Variants in CARS1 observed in about 807,000 individuals in gnomAD.
CARS1 encodes cysteinyl-tRNA synthetase 1, also known as cysteine--tRNA ligase, cytoplasmic.
In CARS1, 48 loss-of-function variants were observed where a neutral mutation model predicts 106.2. The observed-to-expected ratio is 0.45, with a 90% CI of 0.36 to 0.57. The LOEUF (loss-of-function observed/expected upper bound fraction) is 0.57, where lower values mean the gene tolerates loss of function less well. CARS1 is among the 20% of genes least tolerant of loss of function. CARS1 has a pLI of 0.00. For missense variants in CARS1, 968 were observed against 1,057.2 expected, an observed-to-expected ratio of 0.92 and a Z score of 1.17; for synonymous variants, 409 against 403.4, an observed-to-expected ratio of 1.01 and a Z score of -0.17.
In CARS1 at chr11:3,048,017, G is replaced by T; in HGVS notation, c.26-16C>A. ...TAGTCAGGAGCTGCAAAGACAGAGG[G>T]CACATGGTGTCAGGCAGGCAGGCGG... On this transcript the variant is annotated splice_polypyrimidine_tract_variant and intron_variant, in intron 1 of 22. Transcript: ENST00000380525. This position sits in a 1 kb window ranked among gnomAD's most constrained non-coding sequence, Gnocchi z 5.1. 6.2e-7 allele frequency: 1 copy of T among 1,606,954 alleles called. No homozygotes were observed. Among genetic ancestry groups the T allele is most frequent in the Non-Finnish European group, 8.5e-7 (1 of 1,174,680 alleles).
chr11:3,013,310 G>A (rs887792045), intron 17 of CARS1, among the ~76,000 whole-genome samples: 2 of 152,148 alleles, frequency 1.3e-5, no homozygotes, highest in South Asian at 2.1e-4. Context: ...GCGCCACTAC[G>A]CCCAGCTAAT....
chr11:3,029,557 C>A lies in CARS1; in HGVS notation c.802-114G>T. ...TGAATTCAAAGGTGCTGACCTTGAC[C>A]TGTGAAGAGCCACCGTCTCCTAGGG... On this transcript the variant is annotated intron_variant, in intron 7 of 22. Coordinates refer to ENST00000380525, the MANE Select transcript of CARS1 (RefSeq NM_001014437.3). This position sits in a 1 kb window ranked among gnomAD's most constrained non-coding sequence, Gnocchi z 5.9. 8.9e-7 allele frequency: 1 copy of A among 1,126,384 alleles called. No individual in the cohort carries two copies. Among genetic ancestry groups the A allele is most frequent in the Non-Finnish European group, 1.3e-6 (1 of 792,382 alleles). 69.8% of individuals were successfully genotyped at this position (1,126,384 alleles called of 1,614,324 possible).
Position 3,028,928 on chromosome 11 carries a change from G to T in CARS1, c.1031+68C>A. On this transcript the variant is annotated intron_variant, in intron 9 of 22. Coordinates refer to ENST00000380525, the MANE Select transcript of CARS1 (RefSeq NM_001014437.3). This position sits in a 1 kb window ranked among gnomAD's most constrained non-coding sequence, Gnocchi z 4.4. ...TCTGCTTCCCAAACTCAGGCTCAGA[G>T]CTGGGGAGCTCCTCCCTGTGCGATG... The T allele has an allele frequency of 9.2e-7, 1 of 1,083,058 alleles. No homozygotes were observed. The highest frequency in any genetic ancestry group is 1.4e-6 in the Non-Finnish European group (1 of 701,104). 67.1% of individuals were successfully genotyped at this position (1,083,058 alleles called of 1,614,324 possible).
intron 18 of CARS1, among the ~76,000 whole-genome samples, chr11:3,010,613 GGCAGCCCA>G (rs976477485): frequency 8.6e-5 from 13 of 151,848 alleles, no homozygotes; most frequent in Admixed American, 1.3e-4. Flanking sequence ...GAGCACTTGT[GGCAGCCCA>G]GCAGCCCAGC....
At position 3,038,009 on chromosome 11, in the gene CARS1, T is replaced by C. The variant is rs1456282125; in HGVS notation, c.801+41A>G. The C allele has an allele frequency of 6.3e-7, 1 of 1,591,492 alleles. No individual in the cohort carries two copies. Among genetic ancestry groups the C allele is most frequent in the Non-Finnish European group, 8.6e-7 (1 of 1,163,828 alleles). On this transcript the variant is annotated intron_variant, in intron 7 of 22. Transcript: ENST00000380525. This position sits in a 1 kb window ranked among gnomAD's most constrained non-coding sequence, Gnocchi z 4.0. ...GATCAGTCTATGCACGGCCCGACAT[T>C]TGACCCGAACGGGCTGTCTGGGAGA...
In CARS1 at chr11:3,000,960, TC is replaced by T; in HGVS notation, c.*153del. ...TTGAGAAAAATTTATTATCAATGTC[TC>T]AGAGCCAACGACGACACGAACCTAC... On this transcript the variant is annotated 3_prime_UTR_variant, in exon 23 of 23. Transcript: ENST00000380525. The surrounding 1 kb of genome is among the most constrained non-coding windows in gnomAD (Gnocchi z 7.1). 1.2e-6 allele frequency: 1 copy of T among 804,452 alleles called. No homozygotes were observed. Among genetic ancestry groups the T allele is most frequent in the Admixed American group, 2.3e-5 (1 of 42,686 alleles). 49.8% of individuals were successfully genotyped at this position (804,452 alleles called of 1,614,324 possible). A position where few individuals can be genotyped will look rare whatever the true frequency, so the allele number is the denominator to read the frequency against.
chr11:3,039,124 A>G lies in CARS1; in HGVS notation c.651+70T>C. The G allele has an allele frequency of 1.1e-6, 1 of 939,856 alleles. No homozygotes were observed. Among genetic ancestry groups the G allele is most frequent in the Non-Finnish European group, 1.7e-6 (1 of 577,946 alleles). The allele number at this position is 939,856 out of a possible 1,614,324, so 58.2% of individuals were successfully genotyped here. A position where few individuals can be genotyped will look rare whatever the true frequency, so the allele number is the denominator to read the frequency against. The stretch of plus-strand genomic sequence containing the variant: ...GTGAGACTGACACTACCCTAGGGAC[A>G]GTAGCCTACAAAGGACCGAGAACAG... On this transcript the variant is annotated intron_variant, in intron 6 of 22. Transcript: ENST00000380525. This position sits in a 1 kb window ranked among gnomAD's most constrained non-coding sequence, Gnocchi z 5.6.
chr11:3,041,803 C>G lies in CARS1; in HGVS notation c.366+362G>C, dbSNP rs1046916117. 4.6e-5 allele frequency among the ~76,000 whole-genome samples: 7 copies of G among 151,122 alleles called. No homozygotes were observed. The highest frequency in any genetic ancestry group is 2.0e-4 in the Admixed American group (3 of 15,280). ...GCCGTTTTGTCCATCCTGCTTGGCT[C>G]ATACAGTGCCACCTGCTGCAACCAC... On this transcript the variant is annotated intron_variant, in intron 3 of 22. Coordinates refer to ENST00000380525, the MANE Select transcript of CARS1 (RefSeq NM_001014437.3). The surrounding 1 kb of genome is among the most constrained non-coding windows in gnomAD (Gnocchi z 4.9).
In CARS1 at chr11:3,028,324, G is replaced by GAGAC; in HGVS notation, c.1031+671_1031+672insGTCT. On this transcript the variant is annotated intron_variant, in intron 9 of 22. Transcript: ENST00000380525. This position sits in a 1 kb window ranked among gnomAD's most constrained non-coding sequence, Gnocchi z 4.4. ...GGCCACTACCGGTCTCCGCGTCTTGGTGGTAGTGGTCCCCCGGGCCCAGCT... is the reference window on the plus strand; with the variant it reads ...GGCCACTACCGGTCTCCGCGTCTTGGAGACTGGTAGTGGTCCCCCGGGCCCAGCT... 1 of 519,842 alleles carries GAGAC rather than the reference G, an allele frequency of 1.9e-6. No homozygotes were observed. 32.2% of individuals were successfully genotyped at this position (519,842 alleles called of 1,614,324 possible).
Position 3,019,077 on chromosome 11 carries a change from C to T in CARS1, c.1395+62G>A. 2 of 1,485,554 alleles carry T rather than the reference C, an allele frequency of 1.3e-6. No homozygotes were observed. Among genetic ancestry groups the T allele is most frequent in the Middle Eastern group, 1.8e-4 (1 of 5,508 alleles). The allele number at this position is 1,485,554 out of a possible 1,614,324, so 92.0% of individuals were successfully genotyped here. A position where few individuals can be genotyped will look rare whatever the true frequency, so the allele number is the denominator to read the frequency against. On this transcript the variant is annotated intron_variant, in intron 12 of 22. Coordinates refer to ENST00000380525, the MANE Select transcript of CARS1 (RefSeq NM_001014437.3). The surrounding 1 kb of genome is among the most constrained non-coding windows in gnomAD (Gnocchi z 6.2). ...CCTTCTGAGGCCTGGGCTGACTTTT[C>T]CTCCACTGCAGTATGAACACTGTGC... is the stretch of plus-strand genomic sequence containing the variant.
rs1016471189 is a variant in CARS1, at chr11:3,050,274, C to G, written c.26-2273G>C. Among the ~76,000 whole-genome samples, 1 of 152,118 alleles carries G rather than the reference C, an allele frequency of 6.6e-6. No homozygotes were observed. Among genetic ancestry groups the G allele is most frequent in the Non-Finnish European group, 1.5e-5 (1 of 68,014 alleles). Reference sequence around the variant, plus strand: ...GCGTCCCTCTAACTTGCCCTGCTTCCTTCCCACTGCACGGAGCCACTGTCC... The same window carrying G: ...GCGTCCCTCTAACTTGCCCTGCTTCGTTCCCACTGCACGGAGCCACTGTCC... On this transcript the variant is annotated intron_variant, in intron 1 of 22. Coordinates refer to ENST00000380525, the MANE Select transcript of CARS1 (RefSeq NM_001014437.3). This position sits in a 1 kb window ranked among gnomAD's most constrained non-coding sequence, Gnocchi z 6.3.
chr11:3,018,376 C>T (rs1298022551), intron 14 of CARS1, 32 bp downstream of exon 14: 5 of 1,476,956 alleles, frequency 3.4e-6, no homozygotes, highest in East Asian at 4.5e-5. Context: ...GAGGCTGCTC[C>T]ACCAACCTCC....
chr11:3,004,408 C>A lies in CARS1; in HGVS notation c.2217+958G>T, dbSNP rs1849661889. Among the ~76,000 whole-genome samples, 1 of 152,322 alleles carries A rather than the reference C, an allele frequency of 6.6e-6. No individual in the cohort carries two copies. The highest frequency in any genetic ancestry group is 1.9e-4 in the East Asian group (1 of 5,188). On this transcript the variant is annotated intron_variant, in intron 20 of 22. Coordinates refer to ENST00000380525, the MANE Select transcript of CARS1 (RefSeq NM_001014437.3). This position sits in a 1 kb window ranked among gnomAD's most constrained non-coding sequence, Gnocchi z 5.2. ...TTGTACATCCCATCTATCAATCAAC[C>A]ACCCTGTCGATTCTCCTTCCTCAGT...
intron 7 of CARS1, among the ~76,000 whole-genome samples, chr11:3,032,745 G>C (rs540392877): frequency 6.6e-6 from 1 of 151,912 alleles, no homozygotes; most frequent in African/African-American, 2.4e-5. Flanking sequence ...TCAGGAGTTG[G>C]GGTGGGGAGG....
At chr11:3,007,019 T>C in intron 18 of CARS1, 60 bp from the exon 19 acceptor site, 1 of 1,290,014 alleles carries the variant, frequency 7.8e-7, no homozygotes. Flanking sequence ...ACACAACCAG[T>C]GCCTCCTCCA....
At position 3,017,045 on chromosome 11, in the gene CARS1, T is replaced by C; in HGVS notation, c.1917+61A>G. On this transcript the variant is annotated intron_variant, in intron 16 of 22. Transcript: ENST00000380525. The surrounding 1 kb of genome is among the most constrained non-coding windows in gnomAD (Gnocchi z 4.9). ...CCAGAGGCCTCTGTTCTCCCAGTCCTGGGGCCTGGCTCCTGTGTCCACACA... is the reference window on the plus strand; with the variant it reads ...CCAGAGGCCTCTGTTCTCCCAGTCCCGGGGCCTGGCTCCTGTGTCCACACA... 6.8e-7 allele frequency: 1 copy of C among 1,477,356 alleles called. No homozygotes were observed. Among genetic ancestry groups the C allele is most frequent in the Non-Finnish European group, 9.3e-7 (1 of 1,079,068 alleles). 91.5% of individuals were successfully genotyped at this position (1,477,356 alleles called of 1,614,324 possible).
At chr11:3,042,353 T>A (rs1448774729) in intron 2 of CARS1, 97 bp from the exon 3 acceptor site, 1 of 762,486 alleles carries the variant, frequency 1.3e-6, no homozygotes, top group African/African-American at 1.7e-5. Flanking sequence ...AACGGGACCA[T>A]AGTTTTCCAT....
Position 3,020,010 on chromosome 11 carries a change from C to A in CARS1, c.1266+210G>T, listed in dbSNP as rs1851424228. Among the ~76,000 whole-genome samples, 1 of 152,228 alleles carries A rather than the reference C, an allele frequency of 6.6e-6. No homozygotes were observed. The highest frequency in any genetic ancestry group is 6.5e-5 in the Admixed American group (1 of 15,286). ...CACTTACAGACCAGAAAACAGAAAT[C>A]CCAGGAGGGAAGTGATTTGTCCAGA... On this transcript the variant is annotated intron_variant, in intron 11 of 22. Coordinates refer to ENST00000380525, the MANE Select transcript of CARS1 (RefSeq NM_001014437.3). This position sits in a 1 kb window ranked among gnomAD's most constrained non-coding sequence, Gnocchi z 4.6.
At chr11:3,015,183 C>T (rs1044843361) in intron 17 of CARS1, among the ~76,000 whole-genome samples, 16 of 152,174 alleles carry the variant, frequency 1.1e-4, no homozygotes, top group Non-Finnish European at 1.6e-4. Context: ...ATTTTCTCAC[C>T]GCACAGACCC....
Sources: gnomAD v4.1 joint callset for allele counts (sites outside exome capture counted in the v4.1 genomes callset) on GRCh38, gnomAD v4.1.1 for gene constraint, Gnocchi (gnomAD v3.1) non-coding constraint, MANE v1.5 for transcripts, NCBI Gene and HGNC (gene_info 2026-07-23, HGNC 2026-07-21) for gene names.